CCDC171: variants seen among roughly 807,000 people sequenced by gnomAD.
CCDC171 encodes the protein coiled-coil domain containing 171.
A neutral mutation model predicts 168.2 loss-of-function variants in CCDC171; 177 were observed. The observed-to-expected ratio is 1.05, with a 90% confidence interval of 0.93 to 1.19. The LOEUF is 1.19. CCDC171 is among the 50% of genes most tolerant of loss of function. The pLI is 0.00. For missense variants in CCDC171, 1,991 were observed against 1,539.0 expected (o/e 1.29, Z -4.91); for synonymous variants, 687 against 540.8 (o/e 1.27, Z -3.75).
intron 25 of CCDC171, among the ~76,000 whole-genome samples, chr9:15,925,652 G>C (rs773307537): frequency 6.6e-6 from 1 of 151,560 alleles, no homozygotes; most frequent in African/African-American, 2.4e-5. Flanking sequence ...TTTTGCTTTT[G>C]GAAATGGATC....
intron 1 of CCDC171, among the ~76,000 whole-genome samples, chr9:16,044,763 CA>C (rs1833631542): frequency 6.6e-6 from 1 of 152,144 alleles, no homozygotes; most frequent in Non-Finnish European, 1.5e-5. Flanking sequence ...ATTGTTTTTA[CA>C]ATTCCCATGA....
At chr9:15,832,120 G>A (rs1279459464) in intron 21 of CCDC171, among the ~76,000 whole-genome samples, 1 of 151,658 alleles carries the variant, frequency 6.6e-6, no homozygotes, top group South Asian at 2.1e-4. Context: ...TTTTCTTTTT[G>A]TTTTAAAGTC....
intron 18 of CCDC171, among the ~76,000 whole-genome samples, chr9:15,768,027 G>A (rs970506330): frequency 4.7e-5 from 7 of 149,732 alleles, no homozygotes; most frequent in African/African-American, 9.9e-5. Flanking sequence ...GAGCCACTGC[G>A]CCCAGCCACT....
chr9:15,558,572 T>G (rs1298804177), intron 1 of CCDC171, among the ~76,000 whole-genome samples: 1 of 152,220 alleles, frequency 6.6e-6, no homozygotes, highest in African/African-American at 2.4e-5. Context: ...GTGGGATCAG[T>G]GGTGATATCC....
chr9:16,010,702 A>G (rs1832844866), intron 3 of CCDC171, among the ~76,000 whole-genome samples: 6 of 151,864 alleles, frequency 4.0e-5, no homozygotes. Flanking sequence ...GTTCAACTGC[A>G]AGATAATAGT....
At chr9:15,553,347 G>A (rs1334080750) in intron 1 of CCDC171, 45 bp downstream of exon 1, 1 of 152,508 alleles carries the variant, frequency 6.6e-6, no homozygotes, top group African/African-American at 2.4e-5. Context: ...ACTTGGGAGG[G>A]AGGTGTTGAG....
intron 25 of CCDC171, among the ~76,000 whole-genome samples, chr9:15,946,162 C>G (rs866121329): frequency 7.2e-5 from 11 of 151,870 alleles, no homozygotes; most frequent in African/African-American, 2.7e-4. Context: ...GCTTGTTTTT[C>G]TCAGGTTTGT....
intron 11 of CCDC171, among the ~76,000 whole-genome samples, chr9:15,700,568 G>A (rs551094180): frequency 6.7e-4 from 102 of 152,370 alleles, no homozygotes; most frequent in Middle Eastern, 6.8e-3. Flanking sequence ...GAGAGCAAGC[G>A]AGGGCTGTGA....
intron 8 of CCDC171, among the ~76,000 whole-genome samples, chr9:15,660,779 A>G (rs2048255172): frequency 6.6e-6 from 1 of 152,188 alleles, no homozygotes; most frequent in Non-Finnish European, 1.5e-5. Flanking sequence ...TAGTGCTGTG[A>G]TGAACATAAA....
intron 11 of CCDC171, among the ~76,000 whole-genome samples, chr9:15,721,000 T>G (rs373583357): frequency 6.6e-6 from 1 of 152,336 alleles, no homozygotes; most frequent in East Asian, 1.9e-4. Context: ...GAAATTCAAC[T>G]TTTTGGATTA....
At chr9:15,656,378 C>T (rs1045960007) in intron 7 of CCDC171, among the ~76,000 whole-genome samples, 24 of 151,510 alleles carry the variant, frequency 1.6e-4, no homozygotes, top group Middle Eastern at 3.5e-3. Flanking sequence ...TCATTCCATT[C>T]TTCACTATTT....
At chr9:16,017,753 G>T (rs1239385067) in intron 3 of CCDC171, among the ~76,000 whole-genome samples, 1 of 152,100 alleles carries the variant, frequency 6.6e-6, no homozygotes, top group African/African-American at 2.4e-5. Context: ...AATCAGTCAG[G>T]TTCAGTAGCA....
chr9:15,823,725 T>A (rs77591888), intron 21 of CCDC171, among the ~76,000 whole-genome samples: 2,790 of 152,230 alleles, frequency 0.018, 100 homozygotes, highest in African/African-American at 0.063. Context: ...AGAGTGTTAC[T>A]GTTGAAAATT....
chr9:15,977,513 T>C (rs991288512), downstream of CCDC171, among the ~76,000 whole-genome samples: 3 of 152,194 alleles, frequency 2.0e-5, no homozygotes, highest in African/African-American at 4.8e-5. Context: ...TTTAAAGCGC[T>C]GACCTTAATG....
chr9:15,880,887 C>T (rs1221707089), intron 24 of CCDC171, among the ~76,000 whole-genome samples: 2 of 151,954 alleles, frequency 1.3e-5, no homozygotes, highest in African/African-American at 4.8e-5. Flanking sequence ...TAAATACTAC[C>T]CAGAGAAGAG....
chr9:15,620,670 G>A (rs1482331842), intron 6 of CCDC171, among the ~76,000 whole-genome samples: 1 of 152,228 alleles, frequency 6.6e-6, no homozygotes, highest in Non-Finnish European at 1.5e-5. Flanking sequence ...AGTTGCTAAA[G>A]TAGCCATAGG....
At chr9:16,043,007 T>C (rs1445453877) in intron 1 of CCDC171, 1 of 152,192 alleles carries the variant, frequency 6.6e-6, no homozygotes, top group Non-Finnish European at 1.5e-5. Context: ...TATTTAGTGC[T>C]TGCAGTGGGG....
chr9:15,915,411 C>T (rs1023395987), intron 24 of CCDC171, among the ~76,000 whole-genome samples: 13 of 150,972 alleles, frequency 8.6e-5, no homozygotes, highest in Non-Finnish European at 2.9e-5. Context: ...TTGATTTTGT[C>T]CTCAGATAGA....
At chr9:16,012,375 C>A (rs929360352) in intron 3 of CCDC171, among the ~76,000 whole-genome samples, 1 of 152,198 alleles carries the variant, frequency 6.6e-6, no homozygotes, top group African/African-American at 2.4e-5. Flanking sequence ...CAAATACACT[C>A]ATGAGCTTTC....
Sources: allele counts gnomAD v4.1 joint callset (sites outside exome capture counted in the v4.1 genomes callset), GRCh38; gene constraint gnomAD v4.1.1; transcripts MANE v1.5; gene names NCBI Gene and HGNC (gene_info 2026-07-23, HGNC 2026-07-21).